PTPN14: variants seen among roughly 807,000 people sequenced by gnomAD.
PTPN14 encodes the protein protein tyrosine phosphatase non-receptor type 14.
PTPN14 carries 53 observed loss-of-function variants against 126.8 expected under a neutral mutation model. The ratio of observed to expected loss-of-function variants is 0.42; its 90% CI spans 0.34 to 0.53. The LOEUF (loss-of-function observed/expected upper bound fraction) is 0.53. PTPN14 is among the 20% of genes least tolerant of loss of function. The probability of loss-of-function intolerance (pLI) is 0.08; values close to 1 mark genes in which losing one functional copy is unlikely to be tolerated. For missense variants in PTPN14, 1,257 were observed against 1,552.9 expected (o/e 0.81, Z 3.20); for synonymous variants, 630 against 599.3 (o/e 1.05, Z -0.75).
chr1:214,463,707 C>T (rs1401480689), intron 2 of PTPN14, among the ~76,000 whole-genome samples: 2 of 152,136 alleles, frequency 1.3e-5, no homozygotes, highest in Admixed American at 1.3e-4. Flanking sequence ...AGGTCCTGGG[C>T]AATGCTGTCA....
intron 1 of PTPN14, among the ~76,000 whole-genome samples, chr1:214,473,442 T>C (rs1660804327): frequency 6.6e-6 from 1 of 152,256 alleles, no homozygotes. Context: ...CTATGTATAC[T>C]TAACTCTTTA....
chr1:214,387,729 C>A (rs1481946744), intron 11 of PTPN14, among the ~76,000 whole-genome samples: 1 of 151,594 alleles, frequency 6.6e-6, no homozygotes, highest in Non-Finnish European at 1.5e-5. Context: ...TTATTATAAC[C>A]CATCTCAGAA....
At chr1:214,359,237 G>A (rs1303372928) in intron 18 of PTPN14, among the ~76,000 whole-genome samples, 16 of 145,842 alleles carry the variant, frequency 1.1e-4, no homozygotes, top group South Asian at 2.2e-4. Flanking sequence ...TTTTTGAGAC[G>A]GAGTCTCACT....
intron 1 of PTPN14, among the ~76,000 whole-genome samples, chr1:214,534,451 A>C (rs1054841499): frequency 1.3e-5 from 2 of 151,992 alleles, no homozygotes; most frequent in South Asian, 2.1e-4. Flanking sequence ...CGGTGGCTCA[A>C]GCCTGTAATC....
At chr1:214,492,769 G>T (rs1171795861) in intron 1 of PTPN14, among the ~76,000 whole-genome samples, 2 of 152,030 alleles carry the variant, frequency 1.3e-5, no homozygotes, top group East Asian at 3.9e-4. Context: ...TTAGCTGGGG[G>T]TGGTGGTGCA....
At position 214,364,799 on chromosome 1, in the gene PTPN14, G is replaced by A; in HGVS notation, c.3272-124C>T. ...TGTGTGTGTGTGTGTGTGTGTGTGT[G>A]TGTGTGTTTTAAGTGACAATAATTT... is the stretch of plus-strand genomic sequence containing the variant. On this transcript the variant is annotated intron_variant, in intron 17 of 18. Coordinates refer to ENST00000366956, the MANE Select transcript of PTPN14 (RefSeq NM_005401.5). This position sits in a 1 kb window ranked among gnomAD's most constrained non-coding sequence, Gnocchi z 4.1. 1 of 890,930 alleles carries A rather than the reference G, an allele frequency of 1.1e-6. No individual in the cohort carries two copies. The highest frequency in any genetic ancestry group is 1.8e-5 in the South Asian group (1 of 55,960). The allele number at this position is 890,930 out of a possible 1,614,324, so 55.2% of individuals were successfully genotyped here. A position where few individuals can be genotyped will look rare whatever the true frequency, so the allele number is the denominator to read the frequency against.
chr1:214,480,973 C>T (rs1043179974), intron 1 of PTPN14, among the ~76,000 whole-genome samples: 4 of 152,036 alleles, frequency 2.6e-5, no homozygotes, highest in African/African-American at 9.7e-5. Flanking sequence ...GAGAAAGAAA[C>T]AAGCAGCAGA....
intron 2 of PTPN14, among the ~76,000 whole-genome samples, chr1:214,462,520 C>T (rs943529719): frequency 1.8e-4 from 28 of 152,194 alleles, no homozygotes; most frequent in Non-Finnish European, 2.2e-4. Context: ...TTTCTACCTG[C>T]TGGACTGATA....
At chr1:214,469,681 G>T (rs1660710974) in intron 1 of PTPN14, among the ~76,000 whole-genome samples, 1 of 151,526 alleles carries the variant, frequency 6.6e-6, no homozygotes, top group African/African-American at 2.4e-5. Context: ...TAAGAGAAAG[G>T]TCCATTAAAA....
At chr1:214,433,540 C>A (rs1035140247) in intron 3 of PTPN14, among the ~76,000 whole-genome samples, 1 of 151,940 alleles carries the variant, frequency 6.6e-6, no homozygotes, top group African/African-American at 2.4e-5. Flanking sequence ...ATTGATTGAG[C>A]CAGAGTATTG....
intron 17 of PTPN14, among the ~76,000 whole-genome samples, chr1:214,366,983 CAA>C (rs60761312): frequency 1.9e-3 from 232 of 125,362 alleles, no homozygotes; most frequent in Middle Eastern, 8.8e-3. Context: ...GACTCCATCT[CAA>C]AAAAAAAAAA....
chr1:214,494,277 A>G (rs4655357), intron 1 of PTPN14, among the ~76,000 whole-genome samples: 45,009 of 151,780 alleles, frequency 0.3, 7,345 homozygotes, highest in East Asian at 0.43. Flanking sequence ...CCAGGATGGT[A>G]TCTCTCGATC....
chr1:214,517,808 C>T (rs1011683126), intron 1 of PTPN14, among the ~76,000 whole-genome samples: 3 of 151,940 alleles, frequency 2.0e-5, no homozygotes, highest in African/African-American at 7.3e-5. Context: ...ATCCAGGAGT[C>T]GTGGCACATG....
chr1:214,384,046 C>T lies in PTPN14; in HGVS notation c.1809G>A (p.Gln603=). 1 of 1,589,324 alleles carries T rather than the reference C, an allele frequency of 6.3e-7. No homozygotes were observed. ...CCTCTTGGAAGGTCTTCACCGAGAG[C>T]TGCACCTTCCGGGTCACCAGGTCCG... is the stretch of plus-strand genomic sequence containing the variant. The part of the protein sequence containing the change: ...SSPDLVTRKV[Q]LSVKTFQEDS... Residue 603 remains glutamine, a synonymous_variant, in exon 13 of 19, where the codon CAG becomes CAA. Transcript: ENST00000366956. This position sits in a 1 kb window ranked among gnomAD's most constrained non-coding sequence, Gnocchi z 5.3.
intron 3 of PTPN14, among the ~76,000 whole-genome samples, chr1:214,449,488 G>C (rs1660223668): frequency 6.6e-6 from 1 of 152,048 alleles, no homozygotes; most frequent in Non-Finnish European, 1.5e-5. Context: ...CTAATTTCTA[G>C]TCCATGTTTC....
At chr1:214,424,647 C>G (rs1172735773) in intron 3 of PTPN14, among the ~76,000 whole-genome samples, 4 of 152,054 alleles carry the variant, frequency 2.6e-5, no homozygotes, top group Middle Eastern at 3.2e-3. Flanking sequence ...CCTGCCTCAG[C>G]CTCCCGAGTA....
At chr1:214,453,888 G>A (rs1253350369) in intron 2 of PTPN14, among the ~76,000 whole-genome samples, 5 of 152,224 alleles carry the variant, frequency 3.3e-5, no homozygotes, top group African/African-American at 9.6e-5. Flanking sequence ...TCTCATGAGA[G>A]ATGATATTGG....
At chr1:214,394,791 G>T (rs1448990297) in intron 9 of PTPN14, 108 bp downstream of exon 9, 5 of 954,522 alleles carry the variant, frequency 5.2e-6, no homozygotes, top group Non-Finnish European at 3.4e-6. Flanking sequence ...CTCTTCAAGG[G>T]AGTATTTATT....
chr1:214,518,466 G>A (rs1457815107), intron 1 of PTPN14, among the ~76,000 whole-genome samples: 1 of 152,102 alleles, frequency 6.6e-6, no homozygotes, highest in African/African-American at 2.4e-5. Context: ...CCAAATATAG[G>A]CTTTTGTCTT....
Sources: allele counts gnomAD v4.1 joint callset (sites outside exome capture counted in the v4.1 genomes callset), GRCh38; gene constraint gnomAD v4.1.1; non-coding constraint Gnocchi (gnomAD v3.1); transcripts MANE v1.5; gene names NCBI Gene and HGNC (gene_info 2026-07-23, HGNC 2026-07-21).